Variants in CEP135 observed in about 807,000 individuals in gnomAD.
The protein encoded by CEP135 is centrosomal protein of 135 kDa.
Under a neutral mutation model 157.3 loss-of-function variants are expected in CEP135, and 142 were observed. That is an observed-to-expected ratio of 0.90 (90% CI 0.79 to 1.04). The LOEUF is 1.04. Ranked by LOEUF, CEP135 falls within the 50% of genes least tolerant of loss-of-function variation. The probability of loss-of-function intolerance (pLI) is 0.00; values close to 1 mark genes in which losing one functional copy is unlikely to be tolerated. For synonymous variants in CEP135, 396 were observed against 439.8 expected, an observed-to-expected ratio of 0.90 and a Z score of 1.25; for missense variants, 1,317 against 1,309.2, an observed-to-expected ratio of 1.01 and a Z score of -0.09.
rs887590671 is a variant in CEP135 at position 55,952,190 on chromosome 4, A to T, written c.60A>T (p.Gly20=). 1 of 1,613,698 alleles carries T rather than the reference A, an allele frequency of 6.2e-7. No individual in the cohort carries two copies. Among genetic ancestry groups the T allele is most frequent in the Admixed American group, 1.7e-5 (1 of 60,020 alleles). ...TTAGGAAAAGGCTGGATCAGCTGGG[A>T]TACCGCCAGACTCTGACAGTGGAGT... ...INIRKRLDQL[G]YRQTLTVECL... is the part of the protein sequence containing the mutation. The change falls in exon 2 of 26, where the codon GGA becomes GGT. Residue 20 remains glycine, a synonymous_variant. Transcript: ENST00000257287.
intron 15 of CEP135, among the ~76,000 whole-genome samples, chr4:55,995,202 TC>T (rs1307235541): frequency 1.3e-5 from 2 of 152,212 alleles, no homozygotes; most frequent in Admixed American, 6.5e-5. Context: ...GGAAGGTTAT[TC>T]CCCTGGAGCA....
intron 25 of CEP135, 25 bp downstream of exon 25, chr4:56,024,639 G>C (rs1396097857): frequency 3.2e-5 from 46 of 1,429,314 alleles, no homozygotes; most frequent in Non-Finnish European, 4.4e-5. Context: ...CCAAGGACAG[G>C]CAAAACTAAT....
intron 17 of CEP135, among the ~76,000 whole-genome samples, chr4:56,001,499 T>G (rs1160493176): frequency 6.6e-6 from 1 of 152,204 alleles, no homozygotes; most frequent in Non-Finnish European, 1.5e-5. Flanking sequence ...CCCAGCACCA[T>G]TTATTGAAAA....
At position 56,017,860 on chromosome 4, in the gene CEP135, A is replaced by G. The variant is rs1730834742; in HGVS notation, c.3012+3A>G. On this transcript the variant is annotated splice_donor_region_variant and intron_variant, in intron 22 of 25. Transcript: ENST00000257287. Reference sequence around the variant, plus strand: ...CGAAAAACCTTGAGTTTGAGAGGGTAAGAAAGATAAATTGTCTTGGCACAT... The same window carrying G: ...CGAAAAACCTTGAGTTTGAGAGGGTGAGAAAGATAAATTGTCTTGGCACAT... The G allele has an allele frequency of 2.5e-6, 4 of 1,609,920 alleles. 1 individual carries two copies. Among genetic ancestry groups the G allele is most frequent in the Admixed American group, 3.3e-5 (2 of 59,812 alleles).
chr4:56,024,999 C>T (rs1246885925), intron 25 of CEP135, among the ~76,000 whole-genome samples: 1 of 151,898 alleles, frequency 6.6e-6, no homozygotes. Flanking sequence ...ATTAGCCAGG[C>T]ATGGTGGCAC....
intron 14 of CEP135, among the ~76,000 whole-genome samples, chr4:55,988,065 A>T (rs547547310): frequency 5.3e-5 from 8 of 152,228 alleles, no homozygotes; most frequent in Non-Finnish European, 1.0e-4. Flanking sequence ...GAATCTTTAT[A>T]GGAAACATTA....
intron 8 of CEP135, among the ~76,000 whole-genome samples, chr4:55,967,719 C>T (rs1051618813): frequency 6.6e-6 from 1 of 152,196 alleles, no homozygotes; most frequent in South Asian, 2.1e-4. Context: ...TGTATATCAC[C>T]GAATTGATTT....
At chr4:56,023,498 C>T (rs1463773251) in intron 24 of CEP135, among the ~76,000 whole-genome samples, 5 of 151,338 alleles carry the variant, frequency 3.3e-5, no homozygotes, top group Non-Finnish European at 7.4e-5. Flanking sequence ...GTTCTACCCT[C>T]CATAGTCACC....
At chr4:56,007,858 G>C (rs1730410775) in intron 17 of CEP135, among the ~76,000 whole-genome samples, 1 of 152,174 alleles carries the variant, frequency 6.6e-6, no homozygotes, top group South Asian at 2.1e-4. Flanking sequence ...TGAGTCCTGG[G>C]ATAGTGCTGA....
At chr4:55,965,942 A>C (rs1728830206) in intron 8 of CEP135, 83 bp downstream of exon 8, 1 of 1,192,824 alleles carries the variant, frequency 8.4e-7, no homozygotes, top group Non-Finnish European at 1.2e-6. Context: ...TGATATCTGC[A>C]TTCAGGTTTT....
chr4:55,958,685 C>T (rs1336106073), intron 5 of CEP135, among the ~76,000 whole-genome samples: 2 of 152,120 alleles, frequency 1.3e-5, no homozygotes, highest in Non-Finnish European at 2.9e-5. Context: ...CATACATACT[C>T]TTCTCCTAAA....
chr4:55,969,425 CT>C (rs1430440446), intron 9 of CEP135, among the ~76,000 whole-genome samples: 4 of 96,980 alleles, frequency 4.1e-5, no homozygotes, highest in African/African-American at 1.8e-4. Context: ...GAAACTCCAT[CT>C]TTAAAAAAAA....
intron 25 of CEP135, among the ~76,000 whole-genome samples, chr4:56,026,798 G>A (rs934531572): frequency 2.0e-5 from 3 of 152,218 alleles, no homozygotes; most frequent in Non-Finnish European, 4.4e-5. Flanking sequence ...ATGGGAATGA[G>A]TGGGAAAGAA....
chr4:55,991,891 C>A, intron 14 of CEP135, 43 bp from the exon 15 acceptor site: 2 of 935,908 alleles, frequency 2.1e-6, no homozygotes, highest in Non-Finnish European at 3.1e-6. Flanking sequence ...ATATCATTAA[C>A]GTATTAAGAT....
chr4:56,032,003 A>T lies in CEP135; in HGVS notation c.*655A>T, dbSNP rs576898237. 6.6e-6 allele frequency: 1 copy of T among 152,234 alleles called. No individual in the cohort carries two copies. The highest frequency in any genetic ancestry group is 6.5e-5 in the Admixed American group (1 of 15,286). The allele number at this position is 152,234 out of a possible 1,614,324, so 9.4% of individuals were successfully genotyped here. The stretch of plus-strand genomic sequence containing the variant: ...TATATTATGTAAAATGTTAACTATC[A>T]TCATATGGACTCTATGTAACACAAA... On this transcript the variant is annotated 3_prime_UTR_variant, in exon 26 of 26. Coordinates refer to ENST00000257287, the MANE Select transcript of CEP135 (RefSeq NM_025009.5).
chr4:55,956,092 G>A (rs1368635304), intron 4 of CEP135, among the ~76,000 whole-genome samples: 4 of 152,146 alleles, frequency 2.6e-5, no homozygotes, highest in Non-Finnish European at 5.9e-5. Flanking sequence ...GGAAAACCAG[G>A]AGGTAAAGAA....
At chr4:55,969,197 T>A in intron 9 of CEP135, 69 bp downstream of exon 9, 1 of 1,275,714 alleles carries the variant, frequency 7.8e-7, no homozygotes, top group South Asian at 1.2e-5. Context: ...CTGAGGTGGG[T>A]TTATCACCTG....
chr4:55,978,475 T>A (rs1426046826), intron 11 of CEP135, among the ~76,000 whole-genome samples: 3 of 152,224 alleles, frequency 2.0e-5, no homozygotes, highest in African/African-American at 4.8e-5. Context: ...TAAACAGTAA[T>A]AAAAATAGAT....
At chr4:56,019,703 A>G in intron 23 of CEP135, 148 bp downstream of exon 23, 1 of 596,936 alleles carries the variant, frequency 1.7e-6, no homozygotes, top group South Asian at 2.1e-5. Flanking sequence ...TGGGAGGCCA[A>G]GGCGGGTAGA....
Sources: allele counts gnomAD v4.1 joint callset (sites outside exome capture counted in the v4.1 genomes callset), GRCh38; gene constraint gnomAD v4.1.1; transcripts MANE v1.5; gene names NCBI Gene and HGNC (gene_info 2026-07-23, HGNC 2026-07-21).